AKR1C2: variants seen among roughly 807,000 people sequenced by gnomAD.
AKR1C2 encodes 3-alpha-HSD3.
Under a neutral mutation model 39.8 loss-of-function variants are expected in AKR1C2, and 27 were observed. The ratio of observed to expected loss-of-function variants is 0.68; its 90% CI spans 0.50 to 0.93. The LOEUF (loss-of-function observed/expected upper bound fraction) is 0.93. Among genes scored for constraint, AKR1C2 ranks in the 40% least tolerant of loss-of-function variants. The pLI is 0.00. For missense variants in AKR1C2, 263 were observed against 365.1 expected, an observed-to-expected ratio of 0.72 and a Z score of 2.28; for synonymous variants, 114 against 137.9, an observed-to-expected ratio of 0.83 and a Z score of 1.22.
rs552965751 is a variant in AKR1C2, at chr10:5,001,786, A to T, written c.85-105T>A. 9.0e-6 allele frequency: 13 copies of T among 1,447,640 alleles called. No homozygotes were observed. In the East Asian group the frequency reaches 2.8e-4, roughly 31 times the overall value. 89.7% of individuals were successfully genotyped at this position (1,447,640 alleles called of 1,614,324 possible). A position where few individuals can be genotyped will look rare whatever the true frequency, so the allele number is the denominator to read the frequency against. Reference sequence around the variant, plus strand: ...AAATCAGCTTTTCCTCCTTTCTTGGATGAGCTCTGTATGTAGAATCATAAG... The same window carrying T: ...AAATCAGCTTTTCCTCCTTTCTTGGTTGAGCTCTGTATGTAGAATCATAAG... On this transcript the variant is annotated intron_variant, in intron 1 of 8. Coordinates refer to ENST00000380753, the MANE Select transcript of AKR1C2 (RefSeq NM_001393392.1).
chr10:5,001,129 C>G (rs1247315887), intron 2 of AKR1C2, among the ~76,000 whole-genome samples: 1 of 152,272 alleles, frequency 6.6e-6, no homozygotes, highest in Middle Eastern at 3.4e-3. Flanking sequence ...ACTGAGCTCT[C>G]TTATATCGCT....
chr10:4,998,868 T>A, intron 4 of AKR1C2, 121 bp from the exon 5 acceptor site: 15 of 1,472,364 alleles, frequency 1.0e-5, no homozygotes, highest in Non-Finnish European at 1.0e-5. Context: ...CTAGCCGTGG[T>A]TCTTAAAAGG....
chr10:5,003,747 G>T lies in AKR1C2; in HGVS notation c.84+5C>A. On this transcript the variant is annotated splice_donor_5th_base_variant and intron_variant, in intron 1 of 8. Coordinates refer to ENST00000380753, the MANE Select transcript of AKR1C2 (RefSeq NM_001393392.1). ...AACTCTCAACACTAAAAATATTATT[G>T]TTACCTCTGCAGGCGCATAGGTGCC... The T allele has an allele frequency of 6.2e-7, 1 of 1,612,242 alleles. No individual in the cohort carries two copies. The highest frequency in any genetic ancestry group is 1.1e-5 in the South Asian group (1 of 91,000).
At chr10:5,011,277 C>T (rs2895046) in intron 1 of AKR1C2, among the ~76,000 whole-genome samples, 2 of 152,164 alleles carry the variant, frequency 1.3e-5, no homozygotes, top group Non-Finnish European at 2.9e-5. Context: ...TCTTCTGTCT[C>T]CCACTGGTGG....
chr10:5,011,403 A>T (rs1450947342), intron 1 of AKR1C2, among the ~76,000 whole-genome samples: 33 of 152,244 alleles, frequency 2.2e-4, no homozygotes, highest in African/African-American at 7.0e-4. Flanking sequence ...CTATGTAGCA[A>T]ACTGCACTTG....
intron 5 of AKR1C2, 89 bp downstream of exon 5, chr10:4,998,536 A>T: frequency 7.6e-6 from 12 of 1,572,688 alleles, no homozygotes; most frequent in Non-Finnish European, 1.0e-5. Flanking sequence ...TTTTACAAAG[A>T]TAAGTGGGAC....
intron 5 of AKR1C2, among the ~76,000 whole-genome samples, 180 bp downstream of exon 5, chr10:4,998,445 C>A (rs2518044): frequency 6.6e-6 from 1 of 152,064 alleles, no homozygotes; most frequent in Admixed American, 6.6e-5. Context: ...AACACCTTTT[C>A]GTAAGACTTT....
At chr10:5,005,458 A>C (rs1837381905), upstream of AKR1C2, among the ~76,000 whole-genome samples, 1 of 152,192 alleles carries the variant, frequency 6.6e-6, no homozygotes, top group Non-Finnish European at 1.5e-5. Flanking sequence ...CAAGGTGAGC[A>C]GATCACGAGG....
At chr10:5,002,863 C>T (rs1452725028) in intron 1 of AKR1C2, among the ~76,000 whole-genome samples, 1 of 152,158 alleles carries the variant, frequency 6.6e-6, no homozygotes, top group African/African-American at 2.4e-5. Context: ...ATCTTTACTT[C>T]CTCTCCATGC....
chr10:5,003,945 T>A (rs1344057001), upstream of AKR1C2: 9 of 741,712 alleles, frequency 1.2e-5, no homozygotes, highest in Non-Finnish European at 1.8e-5. Context: ...CAATGGCATG[T>A]GAGAGGAGGG....
intron 2 of AKR1C2, among the ~76,000 whole-genome samples, chr10:5,001,173 A>T (rs1164617617): frequency 6.6e-6 from 1 of 152,180 alleles, no homozygotes; most frequent in African/African-American, 2.4e-5. Context: ...GACAATGGAA[A>T]CTCAGAATCA....
intron 1 of AKR1C2, among the ~76,000 whole-genome samples, chr10:5,017,451 T>C (rs1289307038): frequency 1.3e-5 from 2 of 152,122 alleles, no homozygotes; most frequent in African/African-American, 4.8e-5. Flanking sequence ...GTGACACAGA[T>C]CTCTAGGGTA....
At chr10:5,010,724 G>A (rs1298670866) in intron 1 of AKR1C2, 1 of 152,176 alleles carries the variant, frequency 6.6e-6, no homozygotes, top group Admixed American at 6.5e-5. Flanking sequence ...CAAAATTCAT[G>A]TTGATGATAA....
Position 4,995,814 on chromosome 10 carries a change from A to T in AKR1C2, c.622T>A (p.Ser208Thr), listed in dbSNP as rs1228465445. Residue 208 changes from serine to threonine, a missense_variant, in exon 6 of 9, where the codon TCA (serine) becomes ACA (threonine). Transcript: ENST00000380753. Reference protein sequence around the residue: ...NQRKLLDFCKSKDIVLVAYSA... With the variant: ...NQRKLLDFCKTKDIVLVAYSA... The stretch of plus-strand genomic sequence containing the variant: ...TAGGCAACCAGAACAATGTCTTTTG[A>T]CTTGCAGAAATCCAGCAGTTTTCTC... 22 of 1,612,392 alleles carry T rather than the reference A, an allele frequency of 1.4e-5. No individual in the cohort carries two copies. Among genetic ancestry groups the T allele is most frequent in the Non-Finnish European group, 1.8e-5 (21 of 1,179,570 alleles).
chr10:5,012,383 T>C (rs1392786187), intron 1 of AKR1C2, among the ~76,000 whole-genome samples: 2 of 151,816 alleles, frequency 1.3e-5, no homozygotes, highest in Non-Finnish European at 2.9e-5. Flanking sequence ...GATGTGATTA[T>C]GTTAAGGATC....
At chr10:4,994,746 A>C (rs1310051677) in intron 7 of AKR1C2, among the ~76,000 whole-genome samples, 2 of 149,970 alleles carry the variant, frequency 1.3e-5, no homozygotes, top group Non-Finnish European at 3.0e-5. Flanking sequence ...GGCTGAGCCC[A>C]GGCTAATTTT....
In AKR1C2 at chr10:4,988,710, A is replaced by C. The variant is rs1456664343; in HGVS notation, c.*1286T>G. 6.6e-6 allele frequency: 1 copy of C among 151,872 alleles called. No individual in the cohort carries two copies. Among genetic ancestry groups the C allele is most frequent in the African/African-American group, 2.4e-5 (1 of 41,318 alleles). The allele number at this position is 151,872 out of a possible 1,614,324, so 9.4% of individuals were successfully genotyped here. A position where few individuals can be genotyped will look rare whatever the true frequency, so the allele number is the denominator to read the frequency against. On this transcript the variant is annotated 3_prime_UTR_variant, in exon 9 of 9. Coordinates refer to ENST00000380753, the MANE Select transcript of AKR1C2 (RefSeq NM_001393392.1). ...AATAGTGGAGAGTAAATGTGTTAGAAAGTGTGCCCAGGTAAAAAACCACTG... is the reference window on the plus strand; with the variant it reads ...AATAGTGGAGAGTAAATGTGTTAGACAGTGTGCCCAGGTAAAAAACCACTG...
chr10:4,998,484 C>T, intron 5 of AKR1C2, 141 bp downstream of exon 5: 4 of 1,483,954 alleles, frequency 2.7e-6, no homozygotes, highest in South Asian at 1.4e-5. Flanking sequence ...AAGAGGACTC[C>T]ATGCCCTTCT....
chr10:4,993,394 A>G (rs1836907877), intron 7 of AKR1C2, among the ~76,000 whole-genome samples: 1 of 152,188 alleles, frequency 6.6e-6, no homozygotes, highest in Non-Finnish European at 1.5e-5. Flanking sequence ...GAGCAAATAT[A>G]AACTTTTCAA....
Sources: gnomAD v4.1 joint callset for allele counts (sites outside exome capture counted in the v4.1 genomes callset) on GRCh38, gnomAD v4.1.1 for gene constraint, MANE v1.5 for transcripts, NCBI Gene and HGNC (gene_info 2026-07-23, HGNC 2026-07-21) for gene names.